UPB1: variants seen among roughly 807,000 people sequenced by gnomAD.
UPB1 encodes the protein beta-ureidopropionase 1.
A neutral mutation model predicts 49.1 loss-of-function variants in UPB1; 40 were observed. The ratio of observed to expected loss-of-function variants is 0.81; its 90% CI spans 0.63 to 1.06. The LOEUF is 1.06. Among genes scored for constraint, UPB1 ranks in the 50% least tolerant of loss-of-function variants. The pLI is 0.00. For missense variants in UPB1, 499 were observed against 505.9 expected, an observed-to-expected ratio of 0.99 and a Z score of 0.13; for synonymous variants, 207 against 198.2, an observed-to-expected ratio of 1.04 and a Z score of -0.38.
At chr22:24,501,132 GT>G (rs1017766755) in intron 2 of UPB1, among the ~76,000 whole-genome samples, 1 of 152,120 alleles carries the variant, frequency 6.6e-6, no homozygotes, top group Non-Finnish European at 1.5e-5. Context: ...GACCAGCTAT[GT>G]TTTTTTCACG....
chr22:24,523,665 C>T lies in UPB1; in HGVS notation c.963C>T (p.Ala321=), dbSNP rs1234665829. The T allele has an allele frequency of 2.5e-6, 4 of 1,614,244 alleles. No individual in the cohort carries two copies. Among genetic ancestry groups the T allele is most frequent in the Non-Finnish European group, 3.4e-6 (4 of 1,180,046 alleles). Reference sequence around the variant, plus strand: ...TTTATGGCTCGAGCTATGTGGCAGCCCCTGACAGCAGCCGGACTCCTGGGC... The same window carrying T: ...TTTATGGCTCGAGCTATGTGGCAGCTCCTGACAGCAGCCGGACTCCTGGGC... ...GYFYGSSYVA[A]PDSSRTPGLS... Residue 321 remains alanine, a synonymous_variant, in exon 9 of 10, where the codon GCC becomes GCT. Transcript: ENST00000326010.
chr22:24,506,927 C>T (rs2044102029), intron 3 of UPB1, among the ~76,000 whole-genome samples: 1 of 152,148 alleles, frequency 6.6e-6, no homozygotes, highest in Non-Finnish European at 1.5e-5. Context: ...CCCCTGACCA[C>T]TCTGTATTGC....
rs1377514032 is a variant in UPB1, at chr22:24,527,003, T to A, written c.*1209T>A. 1 of 152,204 alleles carries A rather than the reference T, an allele frequency of 6.6e-6. No homozygotes were observed. Among genetic ancestry groups the A allele is most frequent in the Non-Finnish European group, 1.5e-5 (1 of 68,030 alleles). The allele number at this position is 152,204 out of a possible 1,614,324, so 9.4% of individuals were successfully genotyped here. A position where few individuals can be genotyped will look rare whatever the true frequency, so the allele number is the denominator to read the frequency against. On this transcript the variant is annotated 3_prime_UTR_variant, in exon 10 of 10. Transcript: ENST00000326010. ...GCTAGTTCTGCTAATGTGGTTGAGCTCCATTTTACACATCAGATTACTCAC... is the reference window on the plus strand; with the variant it reads ...GCTAGTTCTGCTAATGTGGTTGAGCACCATTTTACACATCAGATTACTCAC...
intron 1 of UPB1, among the ~76,000 whole-genome samples, chr22:24,495,765 T>C (rs984036676): frequency 3.9e-5 from 6 of 152,076 alleles, no homozygotes; most frequent in Non-Finnish European, 8.8e-5. Context: ...GGGATTTTAC[T>C]CTCCAGGGCT....
intron 5 of UPB1, among the ~76,000 whole-genome samples, chr22:24,514,633 C>T (rs535360594): frequency 6.6e-5 from 10 of 152,266 alleles, no homozygotes; most frequent in Non-Finnish European, 1.0e-4. Flanking sequence ...GGGTCTGGTC[C>T]GCCTGCCCCA....
intron 6 of UPB1, among the ~76,000 whole-genome samples, chr22:24,517,678 T>C (rs2044320956): frequency 6.6e-6 from 1 of 152,252 alleles, no homozygotes; most frequent in Non-Finnish European, 1.5e-5. Flanking sequence ...CTATTAGGCT[T>C]ATTAAAAATG....
In UPB1 at chr22:24,513,273, T is replaced by C. The variant is rs540918060; in HGVS notation, c.460-51T>C. On this transcript the variant is annotated intron_variant, in intron 4 of 9. Transcript: ENST00000326010. The stretch of plus-strand genomic sequence containing the variant: ...GGATCATTCTTCTTTGATAAAAAAC[T>C]ACAACAATTGGTTTATAAGTGGGAC... 1.1e-5 allele frequency: 18 copies of C among 1,613,552 alleles called. No individual in the cohort carries two copies. The Admixed American group carries it at 2.3e-4, about 21-fold the overall frequency.
In UPB1 at chr22:24,513,305, A is replaced by G. The variant is rs774374005; in HGVS notation, c.460-19A>G. Reference sequence around the variant, plus strand: ...ATTGGTTTATAAGTGGGACTCTGCCATATTTATCATTTTTCCAGCTGGCGA... The same window carrying G: ...ATTGGTTTATAAGTGGGACTCTGCCGTATTTATCATTTTTCCAGCTGGCGA... On this transcript the variant is annotated intron_variant, in intron 4 of 9. Transcript: ENST00000326010. 8.7e-6 allele frequency: 14 copies of G among 1,614,184 alleles called. No individual in the cohort carries two copies. Among genetic ancestry groups the G allele is most frequent in the Non-Finnish European group, 1.2e-5 (14 of 1,180,028 alleles).
chr22:24,504,601 A>G (rs556624133), intron 3 of UPB1, among the ~76,000 whole-genome samples: 13 of 152,112 alleles, frequency 8.5e-5, no homozygotes, highest in African/African-American at 3.1e-4. Flanking sequence ...CTGAAGCTCT[A>G]GGAAATGTTC....
At chr22:24,500,319 T>A in intron 2 of UPB1, 41 bp downstream of exon 2, 1 of 1,611,794 alleles carries the variant, frequency 6.2e-7, no homozygotes, top group South Asian at 1.1e-5. Flanking sequence ...CAAACAGGGT[T>A]GTGGCCTGCC....
chr22:24,513,412 T>G lies in UPB1; in HGVS notation c.548T>G (p.Val183Gly). ...GATGTTTTGTGGAATACAGCCGTGGTGATCTCCAATTCCGGAGCAGTCCTG... is the reference window on the plus strand; with the variant it reads ...GATGTTTTGTGGAATACAGCCGTGGGGATCTCCAATTCCGGAGCAGTCCTG... ...HGDVLWNTAV[V>G]ISNSGAVLGK... The change falls in exon 5 of 10, where the codon GTG becomes GGG. Residue 183 changes from valine (V) to glycine (G), a missense_variant. Physicochemically the swap from Val to Gly is moderately radical, Grantham distance 109. Transcript: ENST00000326010. 6.2e-7 allele frequency: 1 copy of G among 1,614,206 alleles called. No individual in the cohort carries two copies.
chr22:24,520,674 A>G (rs1203443896), intron 7 of UPB1, among the ~76,000 whole-genome samples: 6 of 152,316 alleles, frequency 3.9e-5, no homozygotes, highest in Non-Finnish European at 8.8e-5. Flanking sequence ...GATCTTTGAC[A>G]TGGCAGTTCT....
At chr22:24,502,956 A>G (rs6004169) in intron 3 of UPB1, 139 of 171,202 alleles carry the variant, frequency 8.1e-4, no homozygotes, top group African/African-American at 3.2e-3. Context: ...GTACAATCAC[A>G]GCTCACTGCA....
chr22:24,518,477 C>T (rs896028141), intron 6 of UPB1: 1 of 152,170 alleles, frequency 6.6e-6, no homozygotes, highest in African/African-American at 2.4e-5. Flanking sequence ...ATGGTAGGAT[C>T]CTGGCTTGTT....
intron 3 of UPB1, among the ~76,000 whole-genome samples, chr22:24,506,724 ACT>A (rs1460571600): frequency 6.7e-6 from 1 of 150,228 alleles, no homozygotes; most frequent in East Asian, 2.0e-4. Context: ...GTTTTTCCCA[ACT>A]CTCCACCCAC....
intron 7 of UPB1, 84 bp downstream of exon 7, chr22:24,520,552 A>G: frequency 1.3e-6 from 2 of 1,489,370 alleles, no homozygotes; most frequent in African/African-American, 1.4e-5. Context: ...CACACATGCC[A>G]CAAATCCTAG....
chr22:24,511,931 A>T (rs1208566780), intron 4 of UPB1, among the ~76,000 whole-genome samples: 3 of 152,148 alleles, frequency 2.0e-5, no homozygotes, highest in Admixed American at 6.5e-5. Flanking sequence ...ATATCTTAAT[A>T]AAACTGTTAT....
intron 8 of UPB1, among the ~76,000 whole-genome samples, chr22:24,522,709 A>G (rs1447564249): frequency 6.6e-6 from 1 of 151,234 alleles, no homozygotes; most frequent in African/African-American, 2.4e-5. Context: ...AGGCGGGCGG[A>G]TCACCTGAGG....
intron 8 of UPB1, among the ~76,000 whole-genome samples, chr22:24,523,104 G>GC (rs2044424574): frequency 6.6e-6 from 1 of 152,160 alleles, no homozygotes; most frequent in Non-Finnish European, 1.5e-5. Flanking sequence ...TGCAGAAAGG[G>GC]CAGGGGAATG....
Sources: allele counts gnomAD v4.1 joint callset (sites outside exome capture counted in the v4.1 genomes callset), GRCh38; gene constraint gnomAD v4.1.1; transcripts MANE v1.5; gene names NCBI Gene and HGNC (gene_info 2026-07-23, HGNC 2026-07-21).